Variants in PCDH15 observed in about 807,000 individuals in gnomAD.
PCDH15 encodes protocadherin-15.
Under a neutral mutation model 178.5 loss-of-function variants are expected in PCDH15, and 129 were observed. The ratio of observed to expected loss-of-function variants is 0.72; its 90% CI spans 0.63 to 0.84. The LOEUF (loss-of-function observed/expected upper bound fraction) is 0.84, where lower values mean the gene tolerates loss of function less well. Ranked by LOEUF, PCDH15 falls within the 40% of genes least tolerant of loss-of-function variation. The pLI is 0.00. For missense variants in PCDH15, 2,230 were observed against 2,099.9 expected (o/e 1.06, Z -1.21); for synonymous variants, 800 against 732.0 (o/e 1.09, Z -1.50).
chr10:53,803,640 C>A lies in PCDH15; in HGVS notation c.*2939G>T, dbSNP rs1840996245. 1 of 151,896 alleles carries A rather than the reference C, an allele frequency of 6.6e-6. No homozygotes were observed. The highest frequency in any genetic ancestry group is 2.1e-4 in the South Asian group (1 of 4,830). 9.4% of individuals were successfully genotyped at this position (151,896 alleles called of 1,614,324 possible). A position where few individuals can be genotyped will look rare whatever the true frequency, so the allele number is the denominator to read the frequency against. ...CAGAGTCTGTAATTAATGAGAAAGACAAATTGAGAGAGGGAGATTAACACC... is the reference window on the plus strand; with the variant it reads ...CAGAGTCTGTAATTAATGAGAAAGAAAAATTGAGAGAGGGAGATTAACACC... On this transcript the variant is annotated 3_prime_UTR_variant, in exon 38 of 38. Transcript: ENST00000644397.
At chr10:54,678,567 C>CA (rs773857429) in intron 1 of PCDH15, among the ~76,000 whole-genome samples, 30 of 151,912 alleles carry the variant, frequency 2.0e-4, no homozygotes, top group Admixed American at 3.3e-4. Context: ...ATTTTAAAAA[C>CA]AAAAAAAGAT....
chr10:54,544,547 G>T (rs2085631275), intron 2 of PCDH15, among the ~76,000 whole-genome samples: 1 of 152,058 alleles, frequency 6.6e-6, no homozygotes, highest in African/African-American at 2.4e-5. Flanking sequence ...CTATTTATGA[G>T]GCCTTCCCAA....
chr10:54,657,731 A>T (rs1356773173), intron 2 of PCDH15, among the ~76,000 whole-genome samples: 2 of 152,198 alleles, frequency 1.3e-5, no homozygotes, highest in Non-Finnish European at 2.9e-5. Context: ...AAATTCAAAA[A>T]TAAGAAGTGA....
chr10:53,918,423 G>A (rs966319976), intron 25 of PCDH15, among the ~76,000 whole-genome samples: 19 of 152,078 alleles, frequency 1.2e-4, no homozygotes, highest in African/African-American at 3.6e-4. Context: ...TAACAGCAAA[G>A]GTAAATTCCA....
At chr10:55,394,223 A>AT (rs11377560) in intron 2 of PCDH15, among the ~76,000 whole-genome samples, 141,492 of 150,574 alleles carry the variant, frequency 0.94, 66,509 homozygotes, top group East Asian at 1. Flanking sequence ...CTATAACACT[A>AT]TTTTTTTTTA....
intron 3 of PCDH15, among the ~76,000 whole-genome samples, chr10:54,462,680 ATTTTT>A (rs767750465): frequency 2.7e-4 from 15 of 56,236 alleles, no homozygotes; most frequent in African/African-American, 7.1e-4. Flanking sequence ...CACCTGCTTA[ATTTTT>A]TTTTTTTTTT....
intron 1 of PCDH15, among the ~76,000 whole-genome samples, chr10:54,764,442 G>GA (rs1948263520): frequency 6.6e-6 from 1 of 151,754 alleles, no homozygotes; most frequent in African/African-American, 2.4e-5. Flanking sequence ...ATATAGCTGG[G>GA]AGTAAGAAAA....
intron 2 of PCDH15, among the ~76,000 whole-genome samples, chr10:54,568,937 C>A (rs1469843102): frequency 2.0e-5 from 3 of 151,828 alleles, no homozygotes; most frequent in Admixed American, 2.0e-4. Flanking sequence ...ATTTTGTAGT[C>A]TGTAATATAT....
intron 2 of PCDH15, among the ~76,000 whole-genome samples, chr10:54,913,548 A>G (rs61854523): frequency 0.43 from 65,911 of 152,122 alleles, 14,537 homozygotes; most frequent in Middle Eastern, 0.53. Flanking sequence ...GGTTGGAGCC[A>G]CACACAGAGT....
chr10:55,294,832 T>C (rs1843093821), intron 1 of PCDH15, among the ~76,000 whole-genome samples: 1 of 152,152 alleles, frequency 6.6e-6, no homozygotes, highest in Non-Finnish European at 1.5e-5. Context: ...TTTGAGTAAT[T>C]TCCAAATAAT....
In PCDH15 at chr10:54,914,172, T is replaced by A. The variant is rs112334010; in HGVS notation, c.-79-16672A>T. Among the ~76,000 whole-genome samples, 13 of 152,314 alleles carry A rather than the reference T, an allele frequency of 8.5e-5. 1 individual carries two copies. Among genetic ancestry groups the A allele is most frequent in the African/African-American group, 3.1e-4 (13 of 41,584 alleles). On this transcript the variant is annotated intron_variant, in intron 2 of 5. Transcript: ENST00000458638. ...TCTGTTTTCCCATTCAAATCTCATG[T>A]TGAATTTCAATTCTCAGTGTTTGAG...
At chr10:53,991,928 G>GGCTGCCCAAGCCA (rs2091517188) in intron 21 of PCDH15, among the ~76,000 whole-genome samples, 1 of 152,132 alleles carries the variant, frequency 6.6e-6, no homozygotes, top group Non-Finnish European at 1.5e-5. Context: ...AATAAAAGCA[G>GGCTGCCCAAGCCA]GCTGCCCAAG....
rs144616228 is a variant in PCDH15 at position 53,827,400 on chromosome 10, T to C, written c.4360A>G (p.Ser1454Gly). Residue 1454 changes from serine (S) to glycine (G), a missense_variant, in exon 32 of 38, where the codon AGC becomes GGC. Ser to Gly is a moderately conservative substitution (Grantham distance 56, BLOSUM62 0). Coordinates refer to ENST00000644397, the MANE Select transcript of PCDH15 (RefSeq NM_001384140.1). ...CCTGAACGGTCTACTTACATTGAGC[T>C]GTCTCCAAGTTCTTCATAGAGATGC... ...GAHLYEELGD[S>G]SIWSFCWQLV... is the part of the protein sequence containing the mutation. 3 of 1,611,734 alleles carry C rather than the reference T, an allele frequency of 1.9e-6. No homozygotes were observed. Among genetic ancestry groups the C allele is most frequent in the African/African-American group, 2.7e-5 (2 of 74,836 alleles).
intron 2 of PCDH15, among the ~76,000 whole-genome samples, chr10:55,528,020 C>T (rs2132059698): frequency 6.6e-6 from 1 of 151,808 alleles, no homozygotes; most frequent in African/African-American, 2.4e-5. Context: ...TACCTGAGTA[C>T]TTTAGCTTTT....
intron 5 of PCDH15, among the ~76,000 whole-genome samples, chr10:54,351,321 G>A (rs926945654): frequency 4.6e-5 from 7 of 152,040 alleles, no homozygotes; most frequent in Non-Finnish European, 1.0e-4. Context: ...TGGGCAGGTA[G>A]CATTGAAATG....
chr10:55,229,683 A>G (rs547629236), intron 1 of PCDH15, among the ~76,000 whole-genome samples: 1 of 152,244 alleles, frequency 6.6e-6, no homozygotes, highest in East Asian at 1.9e-4. Flanking sequence ...GTTTTACTTC[A>G]AACATTGTAT....
At chr10:54,536,235 G>T (rs1438313914) in intron 2 of PCDH15, among the ~76,000 whole-genome samples, 1 of 152,200 alleles carries the variant, frequency 6.6e-6, no homozygotes, top group African/African-American at 2.4e-5. Context: ...CTGTAGCTCA[G>T]TTGCATTATT....
chr10:54,198,918 C>T lies in PCDH15; in HGVS notation c.1099-3029G>A, dbSNP rs1052167194. Among the ~76,000 whole-genome samples the T allele has an allele frequency of 2.0e-5, 3 of 151,878 alleles. No individual in the cohort carries two copies. The East Asian group carries it at 5.8e-4, about 29-fold the overall frequency. On this transcript the variant is annotated intron_variant, in intron 10 of 37. Transcript: ENST00000644397. ...TAGGTGGTGAGGAGGATGAAAAAAG[C>T]AAAATTGTATAATAATGAAATAAGC...
At chr10:54,923,203 G>C (rs1181309830) in intron 2 of PCDH15, among the ~76,000 whole-genome samples, 1 of 138,312 alleles carries the variant, frequency 7.2e-6, no homozygotes, top group Non-Finnish European at 1.7e-5. Context: ...GCTGGAGCTG[G>C]ATTGGCTGTG....
Sources: allele counts gnomAD v4.1 joint callset (sites outside exome capture counted in the v4.1 genomes callset), GRCh38; gene constraint gnomAD v4.1.1; transcripts MANE v1.5; gene names NCBI Gene and HGNC (gene_info 2026-07-23, HGNC 2026-07-21).